Variants in TDRD7 observed in about 807,000 individuals in gnomAD.
TDRD7 encodes the protein tudor domain-containing protein 7.
A neutral mutation model predicts 109.8 loss-of-function variants in TDRD7; 47 were observed. The ratio of observed to expected loss-of-function variants is 0.43; its 90% confidence interval spans 0.34 to 0.55. TDRD7 has a LOEUF of 0.55. Ranked by LOEUF, TDRD7 falls within the 20% of genes least tolerant of loss-of-function variation. The probability of loss-of-function intolerance (pLI) is 0.03; values close to 1 mark genes in which losing one functional copy is unlikely to be tolerated. For synonymous variants in TDRD7, 424 were observed against 457.3 expected (o/e 0.93, Z 0.93); for missense variants, 1,164 against 1,319.2 (o/e 0.88, Z 1.82).
chr9:97,479,221 C>T (rs1564213411), intron 13 of TDRD7, among the ~76,000 whole-genome samples: 1 of 152,220 alleles, frequency 6.6e-6, no homozygotes. Context: ...CCATCAAACT[C>T]AGTAAATAAA....
In TDRD7 at chr9:97,441,640, TA is replaced by T. The variant is rs779312228; in HGVS notation, c.638-17del. ...TGTTAAGCATTTTGGTTAATTCTAT[TA>T]TTTTTTTAATTTAAAGATAATTTAA... On this transcript the variant is annotated splice_polypyrimidine_tract_variant and intron_variant, in intron 5 of 16. Transcript: ENST00000355295. 5.7e-6 allele frequency: 9 copies of T among 1,567,684 alleles called. No homozygotes were observed. The highest frequency in any genetic ancestry group is 5.7e-5 in the South Asian group (5 of 87,572).
At chr9:97,463,380 G>T (rs56352663) in intron 7 of TDRD7, among the ~76,000 whole-genome samples, 2,626 of 125,234 alleles carry the variant, frequency 0.021, 57 homozygotes, top group East Asian at 0.14. Flanking sequence ...TCTGAGTTTT[G>T]TTTTTTTTTT....
chr9:97,445,093 C>G (rs16920418), intron 6 of TDRD7, among the ~76,000 whole-genome samples: 1 of 152,074 alleles, frequency 6.6e-6, no homozygotes, highest in Non-Finnish European at 1.5e-5. Flanking sequence ...CAAGGTATTC[C>G]TAGACAACTT....
chr9:97,464,045 C>T (rs1233543700), intron 7 of TDRD7, among the ~76,000 whole-genome samples: 1 of 152,150 alleles, frequency 6.6e-6, no homozygotes, highest in African/African-American at 2.4e-5. Context: ...CTTGACCCAG[C>T]CCTAGTTAGG....
In TDRD7 at chr9:97,464,941, G is replaced by A. The variant is rs1052249017; in HGVS notation, c.1542G>A (p.Val514=). The change falls in exon 8 of 17, where the codon GTG becomes GTA. Residue 514 remains valine (V), a synonymous_variant. Transcript: ENST00000355295. ...KNPKITPVQA[V]NVGQLLAVNA... ...CTAAGATCACACCAGTCCAGGCTGT[G>A]AATGTTGGGCAGTTGCTGGCCGTAA... 1 of 1,614,186 alleles carries A rather than the reference G, an allele frequency of 6.2e-7. No homozygotes were observed. Among genetic ancestry groups the A allele is most frequent in the Admixed American group, 1.7e-5 (1 of 60,038 alleles).
At chr9:97,423,867 C>A (rs979644504) in intron 1 of TDRD7, among the ~76,000 whole-genome samples, 7 of 151,904 alleles carry the variant, frequency 4.6e-5, no homozygotes, top group Non-Finnish European at 1.0e-4. Flanking sequence ...ACAGAATATA[C>A]TTTTTATAAT....
chr9:97,431,770 G>A (rs1203025054), intron 3 of TDRD7, among the ~76,000 whole-genome samples: 1 of 152,140 alleles, frequency 6.6e-6, no homozygotes, highest in East Asian at 1.9e-4. Context: ...AACATGAGGT[G>A]GCTGCCACTG....
intron 16 of TDRD7, among the ~76,000 whole-genome samples, chr9:97,495,212 G>A (rs894648057): frequency 1.3e-5 from 2 of 152,070 alleles, no homozygotes; most frequent in African/African-American, 4.8e-5. Context: ...TTCCCACGAT[G>A]CTGTGTATAA....
chr9:97,463,384 T>G (rs566779319), intron 7 of TDRD7, among the ~76,000 whole-genome samples: 32 of 151,636 alleles, frequency 2.1e-4, no homozygotes, highest in Non-Finnish European at 2.8e-4. Context: ...AGTTTTGTTT[T>G]TTTTTTTTTT....
rs144483340 is a variant in TDRD7, at chr9:97,416,213, T to C, written c.-7+3975T>C. On this transcript the variant is annotated intron_variant, in intron 1 of 16. Coordinates refer to ENST00000355295, the MANE Select transcript of TDRD7 (RefSeq NM_014290.3). ...GAGAGTTATAGTCCTCCATGAAAGA[T>C]AGCATACTTTAAAAAGGCAGGCAGG... Among the ~76,000 whole-genome samples the C allele has an allele frequency of 8.5e-5, 13 of 152,332 alleles. No individual in the cohort carries two copies. The East Asian group carries it at 2.5e-3, about 29-fold the overall frequency.
intron 12 of TDRD7, among the ~76,000 whole-genome samples, chr9:97,476,995 G>GT (rs151110037): frequency 0.036 from 5,461 of 152,232 alleles, 128 homozygotes; most frequent in Non-Finnish European, 0.058. Context: ...TGACCAAGGG[G>GT]TATGTGCCTA....
intron 1 of TDRD7, among the ~76,000 whole-genome samples, chr9:97,422,325 G>A (rs1827913410): frequency 6.6e-6 from 1 of 152,184 alleles, no homozygotes; most frequent in South Asian, 2.1e-4. Flanking sequence ...GAACCCAGGA[G>A]GCAGAGGTTA....
At chr9:97,453,917 A>G (rs548109908) in intron 6 of TDRD7, among the ~76,000 whole-genome samples, 5 of 152,228 alleles carry the variant, frequency 3.3e-5, no homozygotes, top group Non-Finnish European at 1.5e-5. Context: ...TTAGACACCT[A>G]CAAAGAGACT....
intron 6 of TDRD7, among the ~76,000 whole-genome samples, chr9:97,455,486 C>A (rs550566128): frequency 3.3e-5 from 5 of 152,162 alleles, no homozygotes; most frequent in Non-Finnish European, 7.4e-5. Flanking sequence ...ATGATCAAGT[C>A]GGCTTCATCC....
chr9:97,443,237 A>G (rs955183061), intron 6 of TDRD7, among the ~76,000 whole-genome samples: 3 of 152,150 alleles, frequency 2.0e-5, no homozygotes, highest in African/African-American at 7.2e-5. Flanking sequence ...TTTTTGCCTT[A>G]GGTGTTTTAA....
At chr9:97,456,194 A>T (rs970295770) in intron 6 of TDRD7, among the ~76,000 whole-genome samples, 1 of 152,218 alleles carries the variant, frequency 6.6e-6, no homozygotes, top group East Asian at 1.9e-4. Context: ...CAAATGGAAA[A>T]ATATTCCATC....
chr9:97,452,145 T>C (rs563246833), intron 6 of TDRD7, among the ~76,000 whole-genome samples: 51 of 152,012 alleles, frequency 3.4e-4, no homozygotes, highest in Admixed American at 1.5e-3. Context: ...GCCCAGGAGG[T>C]GGAGGCTGCA....
chr9:97,443,668 T>C (rs947827787), intron 6 of TDRD7, among the ~76,000 whole-genome samples: 8 of 152,230 alleles, frequency 5.3e-5, no homozygotes, highest in African/African-American at 1.9e-4. Context: ...CTTCTTGAAA[T>C]GCATATGGCT....
Position 97,460,710 on chromosome 9 carries a change from C to T in TDRD7, c.1388C>T (p.Ala463Val), listed in dbSNP as rs990524723. The T allele has an allele frequency of 1.2e-6, 2 of 1,614,066 alleles. No individual in the cohort carries two copies. The highest frequency in any genetic ancestry group is 1.7e-6 in the Non-Finnish European group (2 of 1,180,038). Residue 463 changes from alanine (A) to valine (V), a missense_variant, in exon 7 of 17, where the codon GCA becomes GTA. Coordinates refer to ENST00000355295, the MANE Select transcript of TDRD7 (RefSeq NM_014290.3). ...TVPPLMIPTE[A>V]SPSVLVVELS... is the part of the protein sequence containing the mutation. ...CCTCCTTTAATGATTCCAACTGAAGCATCACCATCTGTATTGGTGGTTGAA... is the reference window on the plus strand; with the variant it reads ...CCTCCTTTAATGATTCCAACTGAAGTATCACCATCTGTATTGGTGGTTGAA...
Sources: gnomAD v4.1 joint callset for allele counts (sites outside exome capture counted in the v4.1 genomes callset) on GRCh38, gnomAD v4.1.1 for gene constraint, MANE v1.5 for transcripts, NCBI Gene and HGNC (gene_info 2026-07-23, HGNC 2026-07-21) for gene names.